The following CCDC3 variants were observed in gnomAD, a reference collection of about 807,000 sequenced individuals.
CCDC3 encodes the protein coiled-coil domain-containing protein 3.
Under a neutral mutation model 21.4 loss-of-function variants are expected in CCDC3, and 24 were observed. That is an observed-to-expected ratio of 1.12 (90% CI 0.81 to 1.58). CCDC3 has a LOEUF of 1.58. Among genes scored for constraint, CCDC3 ranks in the 40% most tolerant of loss-of-function variants. The probability of loss-of-function intolerance (pLI) is 0.00; values close to 1 mark genes in which losing one functional copy is unlikely to be tolerated. For synonymous variants in CCDC3, 186 were observed against 166.0 expected (o/e 1.12, Z -0.93); for missense variants, 425 against 360.9 (o/e 1.18, Z -1.44).
intron 2 of CCDC3, among the ~76,000 whole-genome samples, chr10:12,924,973 C>T (rs1031060286): frequency 3.3e-5 from 5 of 152,162 alleles, no homozygotes; most frequent in South Asian, 2.1e-4. Flanking sequence ...GATGTGGCAG[C>T]GGTGAGCAGC....
chr10:12,946,314 CA>C (rs1564294138), intron 2 of CCDC3, among the ~76,000 whole-genome samples: 1 of 152,026 alleles, frequency 6.6e-6, no homozygotes, highest in African/African-American at 2.4e-5. Flanking sequence ...AGAGGCTGAC[CA>C]AAAAGGGGAA....
At chr10:12,998,936 T>C (rs1427275354) in intron 1 of CCDC3, among the ~76,000 whole-genome samples, 3 of 152,180 alleles carry the variant, frequency 2.0e-5, no homozygotes, top group African/African-American at 4.8e-5. Flanking sequence ...AGTATTCTAA[T>C]CTGCAAAAAG....
At chr10:13,084,828 G>A (rs913836615) in intron 3 of CCDC3, among the ~76,000 whole-genome samples, 1 of 152,196 alleles carries the variant, frequency 6.6e-6, no homozygotes, top group Non-Finnish European at 1.5e-5. Flanking sequence ...TGTCTAGGGA[G>A]AGGAAGGAGA....
chr10:13,058,210 G>A lies in CCDC3; in HGVS notation c.-269-8269C>T. 3 of 1,269,958 alleles carry A rather than the reference G, an allele frequency of 2.4e-6. No individual in the cohort carries two copies. In the Admixed American group the frequency reaches 5.1e-5, roughly 21 times the overall value. 78.7% of individuals were successfully genotyped at this position (1,269,958 alleles called of 1,614,324 possible). A position where few individuals can be genotyped will look rare whatever the true frequency, so the allele number is the denominator to read the frequency against. On this transcript the variant is annotated intron_variant, in intron 4 of 6. Coordinates refer to the CCDC3 transcript ENST00000378839. The stretch of plus-strand genomic sequence containing the variant: ...CCTTCAGGGTGCCAAAAACTTGATT[G>A]CCAGCGGTAGTTCTGGCAAGGCCTG...
chr10:12,951,789 AG>A (rs973388588), intron 2 of CCDC3, among the ~76,000 whole-genome samples: 4 of 116,592 alleles, frequency 3.4e-5, no homozygotes, highest in African/African-American at 1.4e-4. Flanking sequence ...TGGACAACAG[AG>A]TGAGACTTCA....
chr10:13,080,384 A>G (rs958803052), intron 3 of CCDC3, among the ~76,000 whole-genome samples: 3 of 152,250 alleles, frequency 2.0e-5, no homozygotes, highest in Non-Finnish European at 4.4e-5. Context: ...AAAATGTTAC[A>G]AAAGAGAATT....
At chr10:12,933,964 C>T (rs949142282) in intron 2 of CCDC3, among the ~76,000 whole-genome samples, 9 of 151,724 alleles carry the variant, frequency 5.9e-5, no homozygotes, top group African/African-American at 2.2e-4. Context: ...TTTATTATTA[C>T]TTTTCTTTTG....
At chr10:13,075,160 T>C (rs983111828) in intron 3 of CCDC3, among the ~76,000 whole-genome samples, 2 of 152,244 alleles carry the variant, frequency 1.3e-5, no homozygotes, top group Admixed American at 1.3e-4. Context: ...TCCAACTTCT[T>C]ATCAATATCT....
intron 2 of CCDC3, among the ~76,000 whole-genome samples, chr10:12,974,637 C>T (rs942257976): frequency 2.6e-5 from 4 of 152,164 alleles, no homozygotes; most frequent in Admixed American, 6.5e-5. Context: ...AGTTCTGAGT[C>T]ACCATGGGGC....
At chr10:12,929,657 C>A (rs921790710) in intron 2 of CCDC3, among the ~76,000 whole-genome samples, 1 of 152,214 alleles carries the variant, frequency 6.6e-6, no homozygotes, top group Non-Finnish European at 1.5e-5. Flanking sequence ...ACCTTCCCTG[C>A]CTCCCCAGGC....
chr10:12,957,465 C>A (rs1202244201), intron 2 of CCDC3, among the ~76,000 whole-genome samples: 3 of 152,174 alleles, frequency 2.0e-5, no homozygotes, highest in Non-Finnish European at 4.4e-5. Flanking sequence ...CAAAATGAAA[C>A]AAAGAAAGCC....
intron 5 of CCDC3, among the ~76,000 whole-genome samples, chr10:13,028,666 T>C (rs73589942): frequency 1.3e-5 from 2 of 152,180 alleles, no homozygotes; most frequent in African/African-American, 4.8e-5. Context: ...GTGGACTCTT[T>C]CTAGTCCCTT....
At chr10:13,092,539 C>G (rs1832583738) in intron 3 of CCDC3, among the ~76,000 whole-genome samples, 1 of 152,182 alleles carries the variant, frequency 6.6e-6, no homozygotes, top group African/African-American at 2.4e-5. Context: ...TCCCTTGGGT[C>G]AGATCAAATT....
intron 3 of CCDC3, among the ~76,000 whole-genome samples, chr10:13,096,439 T>C (rs1014089343): frequency 3.9e-5 from 6 of 152,164 alleles, no homozygotes; most frequent in African/African-American, 1.4e-4. Flanking sequence ...CCCAAAGTGC[T>C]GGGATTACAG....
chr10:12,931,021 G>T (rs1834630601), intron 2 of CCDC3, among the ~76,000 whole-genome samples: 1 of 151,970 alleles, frequency 6.6e-6, no homozygotes, highest in Non-Finnish European at 1.5e-5. Context: ...GACCAGCCTG[G>T]CCAACATGGC....
At chr10:12,907,160 T>C (rs571125964) in intron 2 of CCDC3, among the ~76,000 whole-genome samples, 1 of 152,338 alleles carries the variant, frequency 6.6e-6, no homozygotes, top group African/African-American at 2.4e-5. Flanking sequence ...AAGGGCTCCA[T>C]CTTTTCATTC....
At chr10:13,039,791 C>T (rs1337192231) in intron 5 of CCDC3, among the ~76,000 whole-genome samples, 3 of 151,768 alleles carry the variant, frequency 2.0e-5, no homozygotes, top group Admixed American at 1.3e-4. Flanking sequence ...TAGGACCATC[C>T]GTCTCCCTCA....
At chr10:12,976,715 A>T (rs1835422454) in intron 2 of CCDC3, among the ~76,000 whole-genome samples, 1 of 152,164 alleles carries the variant, frequency 6.6e-6, no homozygotes, top group Non-Finnish European at 1.5e-5. Context: ...GAGAGGAATA[A>T]ATCAGTGAAG....
At chr10:13,069,422 TA>T (rs1315635280) in intron 4 of CCDC3, among the ~76,000 whole-genome samples, 1 of 152,224 alleles carries the variant, frequency 6.6e-6, no homozygotes, top group East Asian at 1.9e-4. Context: ...TGTAAAAGGT[TA>T]TAAAAGGTTT....
Sources: allele counts gnomAD v4.1 joint callset (sites outside exome capture counted in the v4.1 genomes callset), GRCh38; gene constraint gnomAD v4.1.1; transcripts MANE v1.5; gene names NCBI Gene and HGNC (gene_info 2026-07-23, HGNC 2026-07-21).